MARCHF1: variants seen among roughly 807,000 people sequenced by gnomAD.
The protein encoded by MARCHF1 is membrane associated ring-CH-type finger 1, also known as E3 ubiquitin-protein ligase MARCHF1.
In MARCHF1, 40 loss-of-function variants were observed where a neutral mutation model predicts 54.2. The observed-to-expected ratio is 0.74, with a 90% CI of 0.57 to 0.96. The LOEUF is 0.96. MARCHF1 is among the 40% of genes least tolerant of loss of function. The pLI, the probability that MARCHF1 is intolerant of heterozygous loss-of-function variation, is 0.00. For missense variants in MARCHF1, 586 were observed against 656.5 expected (o/e 0.89, Z 1.17); for synonymous variants, 236 against 236.3 (o/e 1.00, Z 0.01).
intron 1 of MARCHF1, among the ~76,000 whole-genome samples, chr4:164,221,303 T>C (rs1476648344): frequency 6.6e-6 from 1 of 151,908 alleles, no homozygotes; most frequent in Non-Finnish European, 1.5e-5. Context: ...ATTAGGGAGA[T>C]CAGGTATCTA....
At position 164,335,641 on chromosome 4, in the gene MARCHF1, C is replaced by A. The variant is rs115502252; in HGVS notation, c.-323+48229G>T. ...CACTCCAACTTTCAGCAACCAACAC[C>A]CTGATCGGTCAGCAGCCATCAACAT... On this transcript the variant is annotated intron_variant, in intron 1 of 9. Coordinates refer to ENST00000514618, the MANE Select transcript of MARCHF1 (RefSeq NM_001394959.1). 6.3e-3 allele frequency among the ~76,000 whole-genome samples: 949 copies of A among 151,836 alleles called. 9 individuals are homozygous for A. The highest frequency in any genetic ancestry group is 0.021 in the African/African-American group (882 of 41,452).
chr4:164,062,466 C>T (rs895074040), intron 2 of MARCHF1, among the ~76,000 whole-genome samples: 8 of 152,098 alleles, frequency 5.3e-5, no homozygotes, highest in Admixed American at 5.2e-4. Flanking sequence ...CCAGATCCAT[C>T]AGAGAAATCA....
At position 164,274,659 on chromosome 4, in the gene MARCHF1, C is replaced by CTTCTTTTTTTTTTTT. The variant is rs1733826760; in HGVS notation, c.-323+109210_-323+109211insAAAAAAAAAAAAGAA. On this transcript the variant is annotated intron_variant, in intron 1 of 9. Transcript: ENST00000514618. ...CGCTTGATGTGTGCTTCAGGGTACACTTTTTTTTTTTTTTTTTTTTTTTTT... is the reference window on the plus strand; with the variant it reads ...CGCTTGATGTGTGCTTCAGGGTACACTTCTTTTTTTTTTTTTTTTTTTTTTTTTTTTTTTTTTTTT... Among the ~76,000 whole-genome samples the CTTCTTTTTTTTTTTT allele has an allele frequency of 6.1e-3, 274 of 44,670 alleles. 41 individuals carry two copies. The highest frequency in any genetic ancestry group is 0.029 in the Middle Eastern group (2 of 68). 29.3% of individuals were successfully genotyped at this position (44,670 alleles called of 152,430 possible). A position where few individuals can be genotyped will look rare whatever the true frequency, so the allele number is the denominator to read the frequency against.
chr4:163,726,896 C>A (rs920194511), intron 4 of MARCHF1, among the ~76,000 whole-genome samples: 2 of 152,136 alleles, frequency 1.3e-5, no homozygotes, highest in African/African-American at 2.4e-5. Context: ...ATGTATTTGG[C>A]CCATTTTTAA....
At chr4:164,045,262 T>G (rs1754217854) in intron 2 of MARCHF1, among the ~76,000 whole-genome samples, 1 of 152,018 alleles carries the variant, frequency 6.6e-6, no homozygotes, top group South Asian at 2.1e-4. Context: ...CTGTAATACT[T>G]TCACTTTGGT....
chr4:164,306,140 G>T (rs976540438), intron 1 of MARCHF1, among the ~76,000 whole-genome samples: 1 of 152,050 alleles, frequency 6.6e-6, no homozygotes, highest in Non-Finnish European at 1.5e-5. Context: ...AGCTAGGAAT[G>T]TTAATTCCCC....
intron 1 of MARCHF1, among the ~76,000 whole-genome samples, chr4:164,166,678 C>T (rs13140689): frequency 0.045 from 6,834 of 151,748 alleles, 216 homozygotes; most frequent in Middle Eastern, 0.15. Context: ...AAATAAAAAG[C>T]ATTCAAATAA....
In MARCHF1 at chr4:163,527,773, C is replaced by CCAA. The variant is rs1169523258; in HGVS notation, c.*972_*974dup. ...CAAGTTGAAGTGTACTTTTAAATTA[C>CCAA]CAACTGGATTTTGAAAACTTGGTTC... On this transcript the variant is annotated 3_prime_UTR_variant, in exon 10 of 10. Coordinates refer to ENST00000514618, the MANE Select transcript of MARCHF1 (RefSeq NM_001394959.1). 1 of 151,980 alleles carries CCAA rather than the reference C, an allele frequency of 6.6e-6. No individual in the cohort carries two copies. The highest frequency in any genetic ancestry group is 2.4e-5 in the African/African-American group (1 of 41,416). The allele number at this position is 151,980 out of a possible 1,614,324, so 9.4% of individuals were successfully genotyped here. A position where few individuals can be genotyped will look rare whatever the true frequency, so the allele number is the denominator to read the frequency against.
chr4:163,527,598 CTT>C lies in MARCHF1; in HGVS notation c.*1148_*1149del, dbSNP rs1491482502. The C allele has an allele frequency of 6.6e-6, 1 of 151,270 alleles. No homozygotes were observed. The highest frequency in any genetic ancestry group is 1.5e-5 in the Non-Finnish European group (1 of 67,756). The allele number at this position is 151,270 out of a possible 1,614,324, so 9.4% of individuals were successfully genotyped here. On this transcript the variant is annotated 3_prime_UTR_variant, in exon 10 of 10. Transcript: ENST00000514618. ...TTCATCTGACTTTAAAATGAGGACACTTAATTTAATGCTTTTAAAAATCATAA... is the reference window on the plus strand; with the variant it reads ...TTCATCTGACTTTAAAATGAGGACACAATTTAATGCTTTTAAAAATCATAA...
intron 4 of MARCHF1, among the ~76,000 whole-genome samples, chr4:163,741,380 T>TTCA (rs1438515749): frequency 4.6e-5 from 7 of 151,078 alleles, no homozygotes; most frequent in African/African-American, 2.4e-5. Context: ...AGGTCAGGAG[T>TTCA]TCAAGACAAC....
intron 5 of MARCHF1, among the ~76,000 whole-genome samples, chr4:163,677,020 A>T (rs1177041241): frequency 6.6e-6 from 1 of 152,170 alleles, no homozygotes; most frequent in Non-Finnish European, 1.5e-5. Flanking sequence ...TACTGAAAAA[A>T]GAAAAAATAG....
At position 164,138,156 on chromosome 4, in the gene MARCHF1, C is replaced by T. The variant is rs537092384; in HGVS notation, c.-322-26494G>A. On this transcript the variant is annotated intron_variant, in intron 1 of 9. Transcript: ENST00000514618. ...ACAGGACTTATTGGGCCAAATAAGA[C>T]ATTTTCATTTATTAAGTTCTTTTTC... Among the ~76,000 whole-genome samples, 5 of 151,726 alleles carry T rather than the reference C, an allele frequency of 3.3e-5. No homozygotes were observed. The East Asian group carries it at 9.7e-4, about 29-fold the overall frequency.
At chr4:163,789,643 T>G (rs1308196079) in intron 4 of MARCHF1, among the ~76,000 whole-genome samples, 1 of 152,066 alleles carries the variant, frequency 6.6e-6, no homozygotes, top group Non-Finnish European at 1.5e-5. Flanking sequence ...GGGCATAAAT[T>G]TAGCATTTTA....
At chr4:164,359,397 A>G (rs1296283427) in intron 1 of MARCHF1, among the ~76,000 whole-genome samples, 1 of 152,108 alleles carries the variant, frequency 6.6e-6, no homozygotes, top group African/African-American at 2.4e-5. Flanking sequence ...TCAAGCTACT[A>G]TTTCTGCTAC....
chr4:164,383,102 T>G (rs2110995849), intron 1 of MARCHF1: 1 of 152,316 alleles, frequency 6.6e-6, no homozygotes, highest in Admixed American at 6.5e-5. Flanking sequence ...GGGATAAAAC[T>G]TGGGCGTCTC....
chr4:163,953,685 T>C (rs1180624237), intron 3 of MARCHF1, among the ~76,000 whole-genome samples: 1 of 152,186 alleles, frequency 6.6e-6, no homozygotes, highest in Non-Finnish European at 1.5e-5. Context: ...TCCAAATCCA[T>C]CCTACATATT....
At chr4:164,195,653 A>C (rs1422991202) in intron 1 of MARCHF1, among the ~76,000 whole-genome samples, 1 of 152,162 alleles carries the variant, frequency 6.6e-6, no homozygotes, top group Non-Finnish European at 1.5e-5. Flanking sequence ...TGATCTATAA[A>C]ATAAGGGAAT....
chr4:163,629,846 C>T (rs940755968), intron 5 of MARCHF1, among the ~76,000 whole-genome samples: 1 of 152,086 alleles, frequency 6.6e-6, no homozygotes, highest in African/African-American at 2.4e-5. Flanking sequence ...AAATGGATTT[C>T]TAATGAGTAT....
At chr4:163,813,697 A>G (rs905284186) in intron 4 of MARCHF1, among the ~76,000 whole-genome samples, 2 of 152,196 alleles carry the variant, frequency 1.3e-5, no homozygotes, top group African/African-American at 4.8e-5. Context: ...AGTTGCAAAT[A>G]CTATACATCC....
Sources: allele counts gnomAD v4.1 joint callset (sites outside exome capture counted in the v4.1 genomes callset), GRCh38; gene constraint gnomAD v4.1.1; transcripts MANE v1.5; gene names NCBI Gene and HGNC (gene_info 2026-07-23, HGNC 2026-07-21).